AFF3: variants seen among roughly 807,000 people sequenced by gnomAD.
AFF3 encodes ALF transcription elongation factor 3, also known as AF4/FMR2 family member 3.
A neutral mutation model predicts 129.7 loss-of-function variants in AFF3; 32 were observed. The observed-to-expected ratio is 0.25, with a 90% CI of 0.19 to 0.33. The LOEUF is 0.33. Ranked by LOEUF, AFF3 falls within the 10% of genes least tolerant of loss-of-function variation. The probability of loss-of-function intolerance (pLI) is 1.00; values close to 1 mark genes in which losing one functional copy is unlikely to be tolerated. For missense variants in AFF3, 1,373 were observed against 1,592.0 expected (o/e 0.86, Z 2.34); for synonymous variants, 644 against 635.4 (o/e 1.01, Z -0.20).
At chr2:99,932,179 T>G (rs1042706852) in intron 7 of AFF3, among the ~76,000 whole-genome samples, 1 of 152,162 alleles carries the variant, frequency 6.6e-6, no homozygotes, top group Non-Finnish European at 1.5e-5. Flanking sequence ...ATTTATAAAC[T>G]TTCTTAAAAC....
At chr2:100,117,557 T>C (rs1475407425) in intron 2 of AFF3, among the ~76,000 whole-genome samples, 75 of 152,216 alleles carry the variant, frequency 4.9e-4, no homozygotes, top group Non-Finnish European at 2.9e-5. Flanking sequence ...GTAAGCATAG[T>C]TATCTTAAAG....
intron 7 of AFF3, among the ~76,000 whole-genome samples, chr2:99,958,166 A>G (rs1250905503): frequency 6.6e-6 from 1 of 152,176 alleles, no homozygotes; most frequent in Middle Eastern, 3.2e-3. Context: ...AAGCCTGGAA[A>G]AATTGATGGA....
chr2:99,910,720 C>T (rs770912525), intron 7 of AFF3, among the ~76,000 whole-genome samples: 4 of 152,224 alleles, frequency 2.6e-5, no homozygotes, highest in Non-Finnish European at 4.4e-5. Context: ...CAAATCCTGT[C>T]TACAGGCTAC....
chr2:99,941,507 T>G (rs1195390504), intron 7 of AFF3, among the ~76,000 whole-genome samples: 8 of 152,236 alleles, frequency 5.3e-5, no homozygotes, highest in Non-Finnish European at 8.8e-5. Flanking sequence ...TGATCCATTC[T>G]TCCATTCTTC....
chr2:99,875,685 A>G (rs2105985920), intron 7 of AFF3, among the ~76,000 whole-genome samples: 1 of 152,288 alleles, frequency 6.6e-6, no homozygotes, highest in South Asian at 2.1e-4. Context: ...GAATGACAAT[A>G]TGTGAATGAG....
intron 7 of AFF3, chr2:100,006,095 A>G (rs1308881607): frequency 6.6e-6 from 1 of 152,456 alleles, no homozygotes; most frequent in Non-Finnish European, 1.5e-5. Context: ...TGAATAGTTC[A>G]CCATATTCAA....
chr2:99,958,978 T>C (rs2104296811), intron 7 of AFF3, among the ~76,000 whole-genome samples: 1 of 151,946 alleles, frequency 6.6e-6, no homozygotes, highest in South Asian at 2.1e-4. Flanking sequence ...CAGGCGTGGG[T>C]CACAGCTACT....
chr2:99,793,621 T>C (rs1179642077), intron 8 of AFF3, among the ~76,000 whole-genome samples: 1 of 152,224 alleles, frequency 6.6e-6, no homozygotes. Context: ...CCTGTGGTGA[T>C]GTCCTCTCTT....
At chr2:100,056,059 T>TCACACACACACACA (rs747714847) in intron 4 of AFF3, among the ~76,000 whole-genome samples, 34 of 114,662 alleles carry the variant, frequency 3.0e-4, no homozygotes, top group African/African-American at 7.8e-4. Context: ...TCGCTGTCTC[T>TCACACACACACACA]CTCTCACACA....
chr2:99,631,500 A>G (rs1220290629), intron 13 of AFF3, among the ~76,000 whole-genome samples: 2 of 152,026 alleles, frequency 1.3e-5, no homozygotes, highest in Non-Finnish European at 2.9e-5. Flanking sequence ...TTAAATGGCA[A>G]CTCCCATCTT....
chr2:100,066,649 TCTTCA>T (rs1687739863), intron 4 of AFF3, among the ~76,000 whole-genome samples: 1 of 152,152 alleles, frequency 6.6e-6, no homozygotes, highest in South Asian at 2.1e-4. Flanking sequence ...CCCATTTATT[TCTTCA>T]CTTGTAATAA....
intron 4 of AFF3, among the ~76,000 whole-genome samples, chr2:100,064,871 C>A (rs530029090): frequency 3.3e-5 from 5 of 152,280 alleles, no homozygotes; most frequent in African/African-American, 1.2e-4. Context: ...TGATTAGATA[C>A]TCTCCATATA....
intron 4 of AFF3, among the ~76,000 whole-genome samples, chr2:100,012,689 G>A (rs1682658538): frequency 6.6e-6 from 1 of 152,194 alleles, no homozygotes; most frequent in Non-Finnish European, 1.5e-5. Flanking sequence ...TTTGAGCAAT[G>A]TGAAGATCAT....
intron 11 of AFF3, among the ~76,000 whole-genome samples, chr2:99,708,024 C>T (rs530897935): frequency 1.3e-5 from 2 of 152,212 alleles, no homozygotes; most frequent in African/African-American, 4.8e-5. Flanking sequence ...ATACAGGATG[C>T]CTAGTTAAAT....
intron 7 of AFF3, among the ~76,000 whole-genome samples, chr2:99,995,836 T>C (rs978970072): frequency 2.6e-5 from 4 of 152,224 alleles, no homozygotes; most frequent in African/African-American, 9.6e-5. Flanking sequence ...GAAAGATTGA[T>C]TTTCTTAATA....
Position 100,006,639 on chromosome 2 carries a change from T to A in AFF3, c.866A>T (p.Gln289Leu), listed in dbSNP as rs952838637. 6.2e-7 allele frequency: 1 copy of A among 1,605,336 alleles called. No individual in the cohort carries two copies. Among genetic ancestry groups the A allele is most frequent in the Non-Finnish European group, 8.5e-7 (1 of 1,173,022 alleles). Reference sequence around the variant, plus strand: ...GTGCTGATAAAGACTCACCTCCCCCTGCTTGGGGATGCTGAACTTGGAGAG... The same window carrying A: ...GTGCTGATAAAGACTCACCTCCCCCAGCTTGGGGATGCTGAACTTGGAGAG... ...AKLSKFSIPKQGEESRSGETN... is the reference protein window; with the variant it reads ...AKLSKFSIPKLGEESRSGETN... The change falls in exon 7 of 25, where the codon CAG (glutamine) becomes CTG (leucine). Residue 289 changes from glutamine (Q) to leucine (L), a missense_variant. Gln to Leu is a moderately radical substitution (Grantham distance 113, BLOSUM62 -2). Transcript: ENST00000672756.
chr2:99,818,255 A>G (rs1375370073), intron 8 of AFF3, among the ~76,000 whole-genome samples: 1 of 152,160 alleles, frequency 6.6e-6, no homozygotes. Context: ...AAAATCTAAA[A>G]CACTTACACT....
chr2:99,840,032 A>ATTTTTTTTTTGTTTTTT (rs1415280488), intron 7 of AFF3, among the ~76,000 whole-genome samples: 5 of 152,132 alleles, frequency 3.3e-5, no homozygotes, highest in Admixed American at 2.0e-4. Context: ...TTATTGTTTT[A>ATTTTTTTTTTGTTTTTT]TTATAGGAGT....
intron 4 of AFF3, among the ~76,000 whole-genome samples, chr2:100,020,830 T>TTCCTACCCCAGCCCATTCGC (rs1407096477): frequency 1.3e-5 from 2 of 152,192 alleles, no homozygotes; most frequent in African/African-American, 4.8e-5. Context: ...CCGGCTGCTC[T>TTCCTACCCCAGCCCATTCGC]TCCTACCCCA....
Sources: allele counts gnomAD v4.1 joint callset (sites outside exome capture counted in the v4.1 genomes callset), GRCh38; gene constraint gnomAD v4.1.1; transcripts MANE v1.5; gene names NCBI Gene and HGNC (gene_info 2026-07-23, HGNC 2026-07-21).